The following GNB4 variants were observed in gnomAD, a reference collection of about 807,000 sequenced individuals.
GNB4 encodes the protein guanine nucleotide-binding protein subunit beta-4.
Under a neutral mutation model 45.2 loss-of-function variants are expected in GNB4, and 28 were observed. That is an observed-to-expected ratio of 0.62 (90% confidence interval 0.46 to 0.85). GNB4 has a LOEUF of 0.85. Among genes scored for constraint, GNB4 ranks in the 40% least tolerant of loss-of-function variants. GNB4 has a pLI of 0.00. For synonymous variants in GNB4, 132 were observed against 143.7 expected (o/e 0.92, Z 0.58); for missense variants, 321 against 425.4 (o/e 0.75, Z 2.16).
the GNB4 span, among the ~76,000 whole-genome samples, chr3:179,519,551 G>A: frequency 6.6e-6 from 1 of 152,108 alleles, no homozygotes; most frequent in Non-Finnish European, 1.5e-5. Flanking sequence ...CAACTCTGGT[G>A]CCAACTTGGA....
At chr3:179,466,608 T>G in the GNB4 span, among the ~76,000 whole-genome samples, 1 of 152,228 alleles carries the variant, frequency 6.6e-6, no homozygotes, top group Non-Finnish European at 1.5e-5. Context: ...AAGTCATGCC[T>G]GCTTACTTAC....
intron 8 of GNB4, among the ~76,000 whole-genome samples, chr3:179,409,518 CAA>C (rs553363483): frequency 1.9e-5 from 2 of 106,418 alleles, no homozygotes; most frequent in African/African-American, 3.6e-5. Context: ...ATCTCAAAAA[CAA>C]AAAAAAAAAG....
At chr3:179,406,665 T>G (rs1341776812) in intron 8 of GNB4, among the ~76,000 whole-genome samples, 4 of 152,148 alleles carry the variant, frequency 2.6e-5, no homozygotes, top group Non-Finnish European at 5.9e-5. Context: ...CAGGCTGGAG[T>G]GCAGTGGTAC....
rs935106335 is a variant in GNB4, at chr3:179,401,135, T to C, written c.*78A>G. 7 of 851,898 alleles carry C rather than the reference T, an allele frequency of 8.2e-6. No homozygotes were observed. The South Asian group carries it at 1.1e-4, about 14-fold the overall frequency. 52.8% of individuals were successfully genotyped at this position (851,898 alleles called of 1,614,324 possible). On this transcript the variant is annotated 3_prime_UTR_variant, in exon 10 of 10. Coordinates refer to ENST00000232564, the MANE Select transcript of GNB4 (RefSeq NM_021629.4). ...AAAATCTTCACCTGCAAATATAAGG[T>C]AGAATTTTTTCACAGCTATAGGCTG...
At chr3:179,466,692 A>G in the GNB4 span, among the ~76,000 whole-genome samples, 1 of 152,218 alleles carries the variant, frequency 6.6e-6, no homozygotes, top group East Asian at 1.9e-4. Flanking sequence ...AAGTGGAAAA[A>G]ATGACTGACT....
the GNB4 span, among the ~76,000 whole-genome samples, chr3:179,472,323 A>G: frequency 6.7e-6 from 1 of 148,844 alleles, no homozygotes; most frequent in Non-Finnish European, 1.5e-5. Context: ...ATTAACACAT[A>G]TTTTTTCTTT....
At chr3:179,485,005 G>GT in the GNB4 span, among the ~76,000 whole-genome samples, 1,721 of 51,156 alleles carry the variant, frequency 0.034, 129 homozygotes, top group African/African-American at 0.068. Flanking sequence ...TTTTCGTTTT[G>GT]TTTTTTTTTT....
At chr3:179,433,991 C>A (rs1240795631) in intron 1 of GNB4, among the ~76,000 whole-genome samples, 1 of 152,138 alleles carries the variant, frequency 6.6e-6, no homozygotes, top group South Asian at 2.1e-4. Flanking sequence ...TATGTCTCAA[C>A]CAATGGTTAG....
rs1451642207 is a variant in GNB4, at chr3:179,420,894, C to G, written c.91G>C (p.Val31Leu). 1.3e-5 allele frequency: 20 copies of G among 1,587,504 alleles called. No homozygotes were observed. The highest frequency in any genetic ancestry group is 1.7e-5 in the Non-Finnish European group (20 of 1,160,452). ...AAAGAAAAACAAAACTTTACCTGAACAAGCGTTGCATCATTACATGCTTTC... is the reference window on the plus strand; with the variant it reads ...AAAGAAAAACAAAACTTTACCTGAAGAAGCGTTGCATCATTACATGCTTTC... The part of the protein sequence containing the change: ...ARKACNDATL[V>L]QITSNMDSVG... Residue 31 changes from valine (V) to leucine (L), a missense_variant, in exon 3 of 10, where the codon GTT becomes CTT. Val to Leu is a conservative substitution (Grantham distance 32). Coordinates refer to ENST00000232564, the MANE Select transcript of GNB4 (RefSeq NM_021629.4).
chr3:179,496,654 T>G, the GNB4 span, among the ~76,000 whole-genome samples: 6 of 152,080 alleles, frequency 3.9e-5, no homozygotes, highest in African/African-American at 1.2e-4. Flanking sequence ...AAAAGATATT[T>G]CATGAAAGCA....
chr3:179,459,830 G>C, the GNB4 span, among the ~76,000 whole-genome samples: 2 of 152,132 alleles, frequency 1.3e-5, no homozygotes, highest in South Asian at 2.1e-4. Context: ...GAATGCCTCA[G>C]AAGTTTCTCT....
chr3:179,445,954 A>G (rs760838935), intron 1 of GNB4, among the ~76,000 whole-genome samples: 11 of 152,266 alleles, frequency 7.2e-5, no homozygotes, highest in Non-Finnish European at 1.5e-4. Flanking sequence ...TATGAAATAT[A>G]GACACTAAGA....
chr3:179,408,864 G>A (rs994207030), intron 8 of GNB4, among the ~76,000 whole-genome samples: 1 of 150,546 alleles, frequency 6.6e-6, no homozygotes, highest in African/African-American at 2.4e-5. Flanking sequence ...ACATGAAGAA[G>A]GGCCAGGCAT....
intron 1 of GNB4, among the ~76,000 whole-genome samples, chr3:179,436,072 T>TA (rs1181994582): frequency 6.6e-6 from 1 of 152,160 alleles, no homozygotes; most frequent in Non-Finnish European, 1.5e-5. Context: ...ATATAAGCCA[T>TA]AAAAAATGTT....
At chr3:179,480,586 A>G in the GNB4 span, among the ~76,000 whole-genome samples, 1 of 152,026 alleles carries the variant, frequency 6.6e-6, no homozygotes, top group African/African-American at 2.4e-5. Context: ...CATAGGATGC[A>G]CTTCACCCCC....
At chr3:179,484,396 T>C in the GNB4 span, among the ~76,000 whole-genome samples, 1,352 of 152,358 alleles carry the variant, frequency 8.9e-3, 31 homozygotes, top group African/African-American at 0.031. Context: ...AATTTGCTTA[T>C]TCACTACAGT....
intron 9 of GNB4, 111 bp from the exon 10 acceptor site, chr3:179,401,430 A>G: frequency 2.1e-6 from 1 of 473,482 alleles, no homozygotes; most frequent in Non-Finnish European, 3.7e-6. Flanking sequence ...TTTTCTTGAA[A>G]GTTCATCAGT....
chr3:179,453,329 C>G (rs544730058), upstream of GNB4, among the ~76,000 whole-genome samples: 1 of 152,152 alleles, frequency 6.6e-6, no homozygotes, highest in Non-Finnish European at 1.5e-5. Flanking sequence ...ACCGTGTTGA[C>G]CAGGCTGGTC....
At chr3:179,481,650 TAAAAG>T in the GNB4 span, among the ~76,000 whole-genome samples, 1 of 152,104 alleles carries the variant, frequency 6.6e-6, no homozygotes, top group African/African-American at 2.4e-5. Flanking sequence ...CCAAACTAAA[TAAAAG>T]AAATTAGATG....
Sources: gnomAD v4.1 joint callset for allele counts (sites outside exome capture counted in the v4.1 genomes callset) on GRCh38, gnomAD v4.1.1 for gene constraint, MANE v1.5 for transcripts, NCBI Gene and HGNC (gene_info 2026-07-23, HGNC 2026-07-21) for gene names.